Variants in DCLK1 observed in about 807,000 individuals in gnomAD.
DCLK1 encodes doublecortin like kinase 1.
Under a neutral mutation model 86.2 loss-of-function variants are expected in DCLK1, and 16 were observed. The observed-to-expected ratio is 0.19, with a 90% CI of 0.13 to 0.28. The LOEUF (loss-of-function observed/expected upper bound fraction) is 0.28, where lower values mean the gene tolerates loss of function less well. Among genes scored for constraint, DCLK1 ranks in the 10% least tolerant of loss-of-function variants. The pLI, the probability that DCLK1 is intolerant of heterozygous loss-of-function variation, is 1.00. For synonymous variants in DCLK1, 369 were observed against 370.5 expected (o/e 1.00, Z 0.05); for missense variants, 590 against 940.2 (o/e 0.63, Z 4.87).
chr13:35,975,561 T>TTGC (rs1187173540), intron 3 of DCLK1, among the ~76,000 whole-genome samples: 1 of 104,260 alleles, frequency 9.6e-6, no homozygotes, highest in Non-Finnish European at 1.9e-5. Flanking sequence ...CCCACCCCAC[T>TTGC]TGCTACCAGA....
chr13:35,877,065 C>G (rs1872632425), intron 4 of DCLK1, among the ~76,000 whole-genome samples: 2 of 152,172 alleles, frequency 1.3e-5, no homozygotes, highest in South Asian at 4.1e-4. Flanking sequence ...TGAATTAAAT[C>G]TCTGCTCTAT....
At chr13:35,909,378 A>G (rs1874868705) in intron 4 of DCLK1, among the ~76,000 whole-genome samples, 1 of 152,192 alleles carries the variant, frequency 6.6e-6, no homozygotes, top group Non-Finnish European at 1.5e-5. Context: ...CATTAAAAAT[A>G]TGGGTCCTGG....
At chr13:35,917,614 G>A (rs192596800) in intron 4 of DCLK1, among the ~76,000 whole-genome samples, 51 of 152,168 alleles carry the variant, frequency 3.4e-4, no homozygotes, top group Admixed American at 2.5e-3. Flanking sequence ...TTTTCTTCTC[G>A]GCATGTTATA....
chr13:35,864,629 CA>C (rs1173615342), intron 5 of DCLK1, among the ~76,000 whole-genome samples: 1 of 123,110 alleles, frequency 8.1e-6, no homozygotes, highest in Non-Finnish European at 1.8e-5. Context: ...GTAAAACAAA[CA>C]AAAAAACTCC....
chr13:35,814,018 G>A (rs2087210981), intron 11 of DCLK1, among the ~76,000 whole-genome samples: 1 of 152,072 alleles, frequency 6.6e-6, no homozygotes, highest in Non-Finnish European at 1.5e-5. Flanking sequence ...CACTTTGGGA[G>A]GAGGATGGAG....
intron 2 of DCLK1, among the ~76,000 whole-genome samples, chr13:36,123,254 T>C (rs922310416): frequency 1.8e-4 from 27 of 152,092 alleles, no homozygotes; most frequent in African/African-American, 6.5e-4. Flanking sequence ...AAGCAAAAAA[T>C]GTAATTGACA....
At chr13:35,779,619 A>T (rs544737837) in intron 16 of DCLK1, among the ~76,000 whole-genome samples, 1 of 152,326 alleles carries the variant, frequency 6.6e-6, no homozygotes, top group East Asian at 1.9e-4. Context: ...AACACAAAAA[A>T]GAAGTAAAAA....
intron 3 of DCLK1, among the ~76,000 whole-genome samples, chr13:35,974,582 G>C (rs1879237022): frequency 1.3e-5 from 2 of 152,148 alleles, no homozygotes; most frequent in Admixed American, 1.3e-4. Context: ...CTGGTTGTTT[G>C]AAAGTGTGTA....
intron 16 of DCLK1, among the ~76,000 whole-genome samples, chr13:35,778,079 A>G (rs991970075): frequency 4.6e-5 from 7 of 152,234 alleles, no homozygotes; most frequent in African/African-American, 1.7e-4. Flanking sequence ...ATGGGAAAGT[A>G]TAATGGAAGT....
intron 15 of DCLK1, among the ~76,000 whole-genome samples, chr13:35,798,628 T>C (rs977811797): frequency 6.6e-6 from 1 of 152,160 alleles, no homozygotes; most frequent in African/African-American, 2.4e-5. Context: ...CACTGCACTT[T>C]GGGAGAAAAT....
At chr13:36,014,919 C>T (rs369856777) in intron 3 of DCLK1, among the ~76,000 whole-genome samples, 7 of 152,056 alleles carry the variant, frequency 4.6e-5, no homozygotes, top group East Asian at 1.9e-4. Context: ...TCTTCTCATC[C>T]TTCAGATCCT....
intron 3 of DCLK1, among the ~76,000 whole-genome samples, chr13:36,078,823 T>G (rs1372789374): frequency 1.3e-5 from 2 of 152,196 alleles, no homozygotes; most frequent in Non-Finnish European, 1.5e-5. Context: ...ATGTGAATCA[T>G]TTCCTACAAA....
chr13:36,055,314 C>T (rs1345382366), intron 3 of DCLK1, among the ~76,000 whole-genome samples: 1 of 152,188 alleles, frequency 6.6e-6, no homozygotes, highest in Non-Finnish European at 1.5e-5. Flanking sequence ...CTTTGCTCCT[C>T]TGCCCTCTGT....
chr13:35,778,381 T>C (rs2153097385), intron 16 of DCLK1, among the ~76,000 whole-genome samples: 1 of 152,338 alleles, frequency 6.6e-6, no homozygotes, highest in African/African-American at 2.4e-5. Flanking sequence ...ACACTTGATT[T>C]TCAAGCACAG....
intron 15 of DCLK1, among the ~76,000 whole-genome samples, chr13:35,795,942 A>AAAC (rs1566536348): frequency 2.0e-5 from 3 of 151,690 alleles, no homozygotes; most frequent in African/African-American, 7.3e-5. Context: ...AAAAAAAAAA[A>AAAC]AACCAACAAC....
intron 5 of DCLK1, among the ~76,000 whole-genome samples, chr13:35,861,320 C>CT (rs973110483): frequency 2.0e-5 from 3 of 152,166 alleles, no homozygotes; most frequent in African/African-American, 7.2e-5. Flanking sequence ...GATCTGATCC[C>CT]TATCAGCTGG....
chr13:35,816,152 G>T (rs1313604550), intron 11 of DCLK1, among the ~76,000 whole-genome samples: 1 of 152,104 alleles, frequency 6.6e-6, no homozygotes, highest in African/African-American at 2.4e-5. Flanking sequence ...CAAAACTGTG[G>T]GAACTCAATG....
intron 4 of DCLK1, among the ~76,000 whole-genome samples, chr13:35,896,895 G>GT (rs1403489133): frequency 6.6e-6 from 1 of 152,184 alleles, no homozygotes; most frequent in Admixed American, 6.5e-5. Context: ...CTTGAGGGTT[G>GT]TGAGTGTGGA....
At chr13:35,799,891 CTTATA>C (rs946560827) in intron 15 of DCLK1, among the ~76,000 whole-genome samples, 1 of 151,986 alleles carries the variant, frequency 6.6e-6, no homozygotes, top group African/African-American at 2.4e-5. Flanking sequence ...CTATTTTATT[CTTATA>C]TTATAATAAA....
Sources: gnomAD v4.1 joint callset for allele counts (sites outside exome capture counted in the v4.1 genomes callset) on GRCh38, gnomAD v4.1.1 for gene constraint, MANE v1.5 for transcripts, NCBI Gene and HGNC (gene_info 2026-07-23, HGNC 2026-07-21) for gene names.